Variants in SETX observed in about 807,000 individuals in gnomAD.
SETX encodes senataxin.
A neutral mutation model predicts 227.2 loss-of-function variants in SETX; 90 were observed. The observed-to-expected ratio is 0.40, with a 90% CI of 0.33 to 0.47. The LOEUF is 0.47. Ranked by LOEUF, SETX falls within the 20% of genes least tolerant of loss-of-function variation. The pLI is 0.91. For missense variants in SETX, 3,052 were observed against 3,181.5 expected (o/e 0.96, Z 0.98); for synonymous variants, 1,210 against 1,113.2 (o/e 1.09, Z -1.73).
chr9:132,330,146 T>C lies in SETX; in HGVS notation c.1452A>G (p.Gln484=), dbSNP rs192312827. The change falls in exon 10 of 26, where the codon CAA becomes CAG. Residue 484 remains glutamine, a synonymous_variant. Transcript: ENST00000224140. ...CLHLLWVSSQ[Q]WVEAVVKCAK... is the part of the protein sequence containing the mutation. ...CACATTTGACGACGGCTTCCACCCA[T>C]TGCTGGGAACTTACCCACAGCAAAT... The C allele has an allele frequency of 5.0e-6, 8 of 1,610,216 alleles. No individual in the cohort carries two copies. In the East Asian group the frequency reaches 1.1e-4, roughly 22 times the overall value.
Position 132,326,831 on chromosome 9 carries a change from A to G in SETX, c.4767T>C (p.Ser1589=). The part of the protein sequence containing the change: ...FRKPGLPPPA[S]KPLRPTTKIF... ...TCTTAGTGGTAGGTCTCAAAGGTTT[A>G]GATGCAGGAGGAGGCAAGCCAGGTT... is the stretch of plus-strand genomic sequence containing the variant. Residue 1589 remains serine (S), a synonymous_variant, in exon 10 of 26, where the codon TCT becomes TCC. Coordinates refer to ENST00000224140, the MANE Select transcript of SETX (RefSeq NM_015046.7). 4 of 1,614,240 alleles carry G rather than the reference A, an allele frequency of 2.5e-6. No homozygotes were observed. Among genetic ancestry groups the G allele is most frequent in the South Asian group, 1.1e-5 (1 of 91,088 alleles).
rs906056414 is a variant in SETX, at chr9:132,275,569, G to C, written c.6936-149C>G. On this transcript the variant is annotated intron_variant, in intron 22 of 25. Transcript: ENST00000224140. ...TATTCAGCTAGCAGTGACTCCAAGA[G>C]GCTGTTACAATGACCATTAATATGG... 14 of 657,962 alleles carry C rather than the reference G, an allele frequency of 2.1e-5. No homozygotes were observed. The African/African-American group carries it at 2.6e-4, about 12-fold the overall frequency. 40.8% of individuals were successfully genotyped at this position (657,962 alleles called of 1,614,324 possible).
rs376431769 is a variant in SETX at position 132,280,868 on chromosome 9, T to C, written c.6654+599A>G. ...ACCAACAGAGAAGAGTAGACTACAGTCTGGTTCTTCTCTTCCCAAAGTCAG... is the reference window on the plus strand; with the variant it reads ...ACCAACAGAGAAGAGTAGACTACAGCCTGGTTCTTCTCTTCCCAAAGTCAG... On this transcript the variant is annotated intron_variant, in intron 20 of 25. Transcript: ENST00000224140. 3.9e-5 allele frequency among the ~76,000 whole-genome samples: 6 copies of C among 152,120 alleles called. No homozygotes were observed. The East Asian group carries it at 7.7e-4, about 20-fold the overall frequency.
chr9:132,264,536 G>A lies in SETX; in HGVS notation c.7737C>T (p.Val2579=), dbSNP rs780854409. 2.0e-5 allele frequency: 32 copies of A among 1,613,872 alleles called. 1 individual carries two copies. The highest frequency in any genetic ancestry group is 1.1e-4 in the South Asian group (10 of 91,082). Residue 2579 remains valine (V), a synonymous_variant, in exon 26 of 26, where the codon GTC becomes GTT. Transcript: ENST00000224140. ...GTATATGGCTCAGGTCCTGGTGAAC[G>A]ACAGGGAAGCCCGGCTCGCCCGTAG... ...TPPTGEPGFP[V]VHQDLSHIQQ...
chr9:132,350,907 G>A (rs769175138), intron 2 of SETX, among the ~76,000 whole-genome samples: 9 of 152,100 alleles, frequency 5.9e-5, no homozygotes, highest in Non-Finnish European at 8.8e-5. Context: ...CGACGTGGGG[G>A]GGAAAAAGAG....
chr9:132,277,507 G>A (rs1037639681), intron 21 of SETX, among the ~76,000 whole-genome samples: 3 of 152,148 alleles, frequency 2.0e-5, no homozygotes, highest in Non-Finnish European at 4.4e-5. Flanking sequence ...GGCCAGGTGC[G>A]GTGACTCTCG....
chr9:132,342,031 A>G (rs896044716), intron 5 of SETX, among the ~76,000 whole-genome samples: 1 of 152,054 alleles, frequency 6.6e-6, no homozygotes, highest in Non-Finnish European at 1.5e-5. Context: ...CAATCCCATT[A>G]CCATGCTTTT....
At chr9:132,277,229 T>C (rs1451353085) in intron 21 of SETX, 77 bp from the exon 22 acceptor site, 26 of 1,358,264 alleles carry the variant, frequency 1.9e-5, no homozygotes, top group Non-Finnish European at 2.4e-5. Flanking sequence ...ACTACAATTT[T>C]TTCTGTGTGG....
chr9:132,329,740 T>C lies in SETX; in HGVS notation c.1858A>G (p.Asn620Asp), dbSNP rs777081940. 61 of 1,614,032 alleles carry C rather than the reference T, an allele frequency of 3.8e-5. No homozygotes were observed. The highest frequency in any genetic ancestry group is 4.9e-5 in the Non-Finnish European group (58 of 1,180,028). Reference protein sequence around the residue: ...SACKISPASYNKEESEQMGKT... With the variant: ...SACKISPASYDKEESEQMGKT... ...CCCATTTGTTCACTTTCTTCTTTAT[T>C]ATAAGATGCAGGAGAGATTTTACAT... Residue 620 changes from asparagine (N) to aspartate (D), a missense_variant, in exon 10 of 26, where the codon AAT becomes GAT. By Grantham distance (23) the Asn-to-Asp change is conservative. Around this residue, in one of 10 missense-constraint regions of SETX, gnomAD observed 1,483 missense variants for 1,312.0 expected, o/e 1.13. Coordinates refer to ENST00000224140, the MANE Select transcript of SETX (RefSeq NM_015046.7).
chr9:132,298,794 A>C (rs2131298087), intron 12 of SETX, among the ~76,000 whole-genome samples: 1 of 152,316 alleles, frequency 6.6e-6, no homozygotes, highest in South Asian at 2.1e-4. Context: ...AATAGGGAGA[A>C]GAACGCTTAG....
Position 132,330,206 on chromosome 9 carries a change from T to A in SETX, c.1392A>T (p.Ser464=). ...TTTTATTTCTATGCAGTTCAATCAC[T>A]GATACCAAAATTAGAAGAAAAAATT... ...VTEFFLLILV[S]VIELHRNKKC... is the part of the protein sequence containing the mutation. The change falls in exon 10 of 26, where the codon TCA becomes TCT. Residue 464 remains serine, a synonymous_variant. Transcript: ENST00000224140. The A allele has an allele frequency of 6.4e-7, 1 of 1,573,424 alleles. No individual in the cohort carries two copies. Among genetic ancestry groups the A allele is most frequent in the Non-Finnish European group, 8.6e-7 (1 of 1,159,464 alleles).
chr9:132,356,457 C>T (rs1848917862), upstream of SETX, among the ~76,000 whole-genome samples: 1 of 152,208 alleles, frequency 6.6e-6, no homozygotes. Context: ...CCGCCTCGAC[C>T]TCCCAAAGTG....
Position 132,326,331 on chromosome 9 carries a change from A to T in SETX, c.5267T>A (p.Phe1756Tyr), listed in dbSNP as rs762175796. Residue 1756 changes from phenylalanine to tyrosine, a missense_variant, in exon 10 of 26, where the codon TTT (phenylalanine) becomes TAT (tyrosine). Phe to Tyr is a conservative substitution (Grantham distance 22). Around this residue, in one of 10 missense-constraint regions of SETX, gnomAD observed 239 missense variants for 272.1 expected, o/e 0.88. Coordinates refer to ENST00000224140, the MANE Select transcript of SETX (RefSeq NM_015046.7). ...VFFPLMVLNT[F>Y]ETVAQEWLNS... ...AATGAAACACATACTTACTGTTTCA[A>T]AAGTATTCAATACCATCAAAGGGAA... 2.5e-6 allele frequency: 4 copies of T among 1,601,900 alleles called. No homozygotes were observed. Among genetic ancestry groups the T allele is most frequent in the Non-Finnish European group, 3.4e-6 (4 of 1,170,310 alleles).
intron 10 of SETX, among the ~76,000 whole-genome samples, chr9:132,314,516 G>A (rs1845853578): frequency 6.6e-6 from 1 of 152,208 alleles, no homozygotes; most frequent in Non-Finnish European, 1.5e-5. Flanking sequence ...GAGCCACCAA[G>A]CCCGGCTAGC....
chr9:132,300,490 C>A, intron 12 of SETX, 140 bp downstream of exon 12: 1 of 855,934 alleles, frequency 1.2e-6, no homozygotes, highest in South Asian at 1.5e-5. Flanking sequence ...AAAAGAGACT[C>A]TGAATGGCCA....
rs1403460462 is a variant in SETX, at chr9:132,349,359, T to C, written c.70A>G (p.Asn24Asp). ...TIDFLKRYASNTPSGEFQTAD... is the reference protein window; with the variant it reads ...TIDFLKRYASDTPSGEFQTAD... ...GTTTGAAATTCACCGGACGGAGTGTTGGAAGCATAGCGCTTTAGGAAGTCA... is the reference window on the plus strand; with the variant it reads ...GTTTGAAATTCACCGGACGGAGTGTCGGAAGCATAGCGCTTTAGGAAGTCA... The change falls in exon 3 of 26, where the codon AAC becomes GAC. Residue 24 changes from asparagine to aspartate, a missense_variant. Coordinates refer to ENST00000224140, the MANE Select transcript of SETX (RefSeq NM_015046.7). The C allele has an allele frequency of 6.2e-7, 1 of 1,614,152 alleles. No individual in the cohort carries two copies. Among genetic ancestry groups the C allele is most frequent in the South Asian group, 1.1e-5 (1 of 91,078 alleles).
intron 15 of SETX, among the ~76,000 whole-genome samples, chr9:132,290,340 G>A (rs999778862): frequency 6.6e-6 from 1 of 151,836 alleles, no homozygotes; most frequent in Non-Finnish European, 1.5e-5. Context: ...ACTCTGGGAG[G>A]CCAAGGCAGG....
chr9:132,346,318 G>A lies in SETX; in HGVS notation c.331C>T (p.Arg111Ter), dbSNP rs1451908310. Residue 111 changes from arginine to a stop codon, truncating the protein, a stop_gained, in exon 4 of 26, where the codon CGA (arginine) becomes TGA (stop). Transcript: ENST00000224140. LOFTEE classifies it high-confidence loss of function. Reference protein sequence around the residue: ...ITGQDFENKLRVPLLEILKYP... With the variant: ...ITGQDFENKL ...TTCAGTATTTCAAGAAGAGGAACTCGAAGCTTATTTTCAAAGTCTTGCCCA... is the reference window on the plus strand; with the variant it reads ...TTCAGTATTTCAAGAAGAGGAACTCAAAGCTTATTTTCAAAGTCTTGCCCA... 8 of 1,613,904 alleles carry A rather than the reference G, an allele frequency of 5.0e-6. No individual in the cohort carries two copies. The highest frequency in any genetic ancestry group is 2.5e-6 in the Non-Finnish European group (3 of 1,179,976).
At chr9:132,268,109 C>T (rs1038441991) in intron 25 of SETX, among the ~76,000 whole-genome samples, 10 of 152,282 alleles carry the variant, frequency 6.6e-5, no homozygotes, top group East Asian at 5.8e-4. Flanking sequence ...TAAGAGATCA[C>T]GTTTTAACAC....
Sources: allele counts gnomAD v4.1 joint callset (sites outside exome capture counted in the v4.1 genomes callset), GRCh38; gene constraint gnomAD v4.1.1; regional missense constraint gnomAD v4.1.1; transcripts MANE v1.5; gene names NCBI Gene and HGNC (gene_info 2026-07-23, HGNC 2026-07-21).